The following PSMB7 variants were observed in gnomAD, a reference collection of about 807,000 sequenced individuals.
The protein encoded by PSMB7 is proteasome 20S subunit beta 7, also known as proteasome subunit beta type-7.
A neutral mutation model predicts 28.1 loss-of-function variants in PSMB7; 5 were observed. That is an observed-to-expected ratio of 0.18 (90% confidence interval 0.09 to 0.37). The LOEUF (loss-of-function observed/expected upper bound fraction) is 0.37, where lower values mean the gene tolerates loss of function less well. Among genes scored for constraint, PSMB7 ranks in the 10% least tolerant of loss-of-function variants. The probability of loss-of-function intolerance (pLI) is 1.00; values close to 1 mark genes in which losing one functional copy is unlikely to be tolerated. For synonymous variants in PSMB7, 122 were observed against 123.7 expected, an observed-to-expected ratio of 0.99 and a Z score of 0.09; for missense variants, 275 against 346.2, an observed-to-expected ratio of 0.79 and a Z score of 1.63.
intron 6 of PSMB7, among the ~76,000 whole-genome samples, chr9:124,366,321 T>C (rs1036869463): frequency 6.6e-6 from 1 of 152,262 alleles, no homozygotes; most frequent in East Asian, 1.9e-4. Flanking sequence ...GGAGAATCGC[T>C]TGAACCTGGA....
chr9:124,357,721 A>G (rs949807491), intron 6 of PSMB7, among the ~76,000 whole-genome samples: 4 of 152,240 alleles, frequency 2.6e-5, no homozygotes, highest in African/African-American at 7.2e-5. Flanking sequence ...ATCACATGCT[A>G]TACCAGAAGC....
chr9:124,415,391 C>T lies in PSMB7; in HGVS notation c.35G>A (p.Gly12Glu). 3 of 1,614,172 alleles carry T rather than the reference C, an allele frequency of 1.9e-6. No individual in the cohort carries two copies. The highest frequency in any genetic ancestry group is 2.2e-5 in the South Asian group (2 of 91,086). The change falls in exon 1 of 8, where the codon GGA becomes GAA. Residue 12 changes from glycine to glutamate, a missense_variant. By Grantham distance (98) the Gly-to-Glu change is moderately conservative. This residue lies in a region of PSMB7 where 62 missense variants were observed against 43.9 expected (regional missense o/e 1.41). Coordinates refer to ENST00000259457, the MANE Select transcript of PSMB7 (RefSeq NM_002799.4). ...AAVSVYAPPV[G>E]GFSFDNCRRN... ...GCGGCAGTTATCAAAAGAGAAGCCTCCAACTGGTGGAGCATACACCGACAC... is the reference window on the plus strand; with the variant it reads ...GCGGCAGTTATCAAAAGAGAAGCCTTCAACTGGTGGAGCATACACCGACAC...
chr9:124,414,122 C>T (rs1831060051), intron 2 of PSMB7, 117 bp from the exon 3 acceptor site: 1 of 593,916 alleles, frequency 1.7e-6, no homozygotes, highest in Non-Finnish European at 2.9e-6. Flanking sequence ...TCTCAAAACG[C>T]CAGCCAAAAC....
chr9:124,371,374 A>ACT (rs377294534), intron 6 of PSMB7, among the ~76,000 whole-genome samples: 75 of 152,254 alleles, frequency 4.9e-4, no homozygotes, highest in African/African-American at 1.8e-3. Flanking sequence ...AGCTTGCGAA[A>ACT]CTCTAACCAC....
intron 5 of PSMB7, among the ~76,000 whole-genome samples, chr9:124,397,570 A>C (rs904978451): frequency 1.3e-5 from 2 of 152,026 alleles, no homozygotes; most frequent in Non-Finnish European, 2.9e-5. Context: ...AAATTTAGAC[A>C]CCCTTGTCTT....
chr9:124,386,428 G>C (rs1232014582), intron 5 of PSMB7, among the ~76,000 whole-genome samples: 1 of 152,204 alleles, frequency 6.6e-6, no homozygotes, highest in East Asian at 1.9e-4. Context: ...TCAGGCCCAG[G>C]TGAGAACCAG....
chr9:124,360,227 C>A (rs1173375053), intron 6 of PSMB7, among the ~76,000 whole-genome samples: 1 of 152,202 alleles, frequency 6.6e-6, no homozygotes, highest in Non-Finnish European at 1.5e-5. Flanking sequence ...TCAAGAAAAA[C>A]CACAAACTAA....
At chr9:124,376,324 A>G (rs1487734552) in intron 6 of PSMB7, among the ~76,000 whole-genome samples, 1 of 152,168 alleles carries the variant, frequency 6.6e-6, no homozygotes, top group East Asian at 1.9e-4. Context: ...CTTGTAAATA[A>G]TATTTGAAAA....
chr9:124,384,494 C>T, intron 6 of PSMB7, 104 bp downstream of exon 6: 2 of 1,034,636 alleles, frequency 1.9e-6, no homozygotes, highest in Non-Finnish European at 1.4e-6. Context: ...CAACTAACAA[C>T]AGTGCTGTAC....
At chr9:124,390,107 C>T (rs1205232205) in intron 5 of PSMB7, among the ~76,000 whole-genome samples, 1 of 152,186 alleles carries the variant, frequency 6.6e-6, no homozygotes, top group East Asian at 1.9e-4. Context: ...TTAAGCAACA[C>T]TGATCAAGTT....
chr9:124,380,134 C>T (rs904969044), intron 6 of PSMB7, among the ~76,000 whole-genome samples: 10 of 152,164 alleles, frequency 6.6e-5, no homozygotes, highest in Non-Finnish European at 1.5e-4. Flanking sequence ...GAGTCCACGG[C>T]GAGCCAGTGC....
rs972359319 is a variant in PSMB7 at position 124,356,330 on chromosome 9, T to A, written c.722+434A>T. Reference sequence around the variant, plus strand: ...TGTAGCACAGCACACACACACTAGCTCCCAAGGCCACCTCTGGGAGGCTGT... The same window carrying A: ...TGTAGCACAGCACACACACACTAGCACCCAAGGCCACCTCTGGGAGGCTGT... On this transcript the variant is annotated intron_variant, in intron 7 of 7. Coordinates refer to ENST00000259457, the MANE Select transcript of PSMB7 (RefSeq NM_002799.4). The surrounding 1 kb of genome is among the most constrained non-coding windows in gnomAD (Gnocchi z 4.4). 1.3e-5 allele frequency among the ~76,000 whole-genome samples: 2 copies of A among 151,934 alleles called. No individual in the cohort carries two copies. The highest frequency in any genetic ancestry group is 2.9e-5 in the Non-Finnish European group (2 of 67,974).
Position 124,356,475 on chromosome 9 carries a change from A to G in PSMB7, c.722+289T>C, listed in dbSNP as rs1830408517. 6.6e-6 allele frequency among the ~76,000 whole-genome samples: 1 copy of G among 152,192 alleles called. No homozygotes were observed. The highest frequency in any genetic ancestry group is 2.4e-5 in the African/African-American group (1 of 41,444). On this transcript the variant is annotated intron_variant, in intron 7 of 7. Transcript: ENST00000259457. This position sits in a 1 kb window ranked among gnomAD's most constrained non-coding sequence, Gnocchi z 4.4. ...AGGGGATTCTTTAAGACACTTGAGA[A>G]AGGACAGCAGATGATCCAAACCTCT...
At chr9:124,378,966 T>G (rs1830638576) in intron 6 of PSMB7, among the ~76,000 whole-genome samples, 1 of 152,204 alleles carries the variant, frequency 6.6e-6, no homozygotes, top group Non-Finnish European at 1.5e-5. Flanking sequence ...GACCAGGAGC[T>G]GAATTCTTAT....
At chr9:124,406,788 C>T (rs1274891885) in intron 4 of PSMB7, among the ~76,000 whole-genome samples, 1 of 152,046 alleles carries the variant, frequency 6.6e-6, no homozygotes, top group Non-Finnish European at 1.5e-5. Flanking sequence ...CATATTTGTT[C>T]CTTTGGACCC....
chr9:124,404,955 A>G, intron 5 of PSMB7, among the ~76,000 whole-genome samples: 1 of 152,128 alleles, frequency 6.6e-6, no homozygotes, highest in East Asian at 1.9e-4. Flanking sequence ...GACTATAAAA[A>G]TATATTCATA....
At chr9:124,355,339 T>C (rs1830393381) in intron 7 of PSMB7, among the ~76,000 whole-genome samples, 1 of 152,200 alleles carries the variant, frequency 6.6e-6, no homozygotes, top group Admixed American at 6.5e-5. Flanking sequence ...GCAGCCCATG[T>C]CCCAGGAAGT....
chr9:124,407,050 T>C (rs973897539), intron 4 of PSMB7, among the ~76,000 whole-genome samples: 26 of 152,210 alleles, frequency 1.7e-4, no homozygotes, highest in African/African-American at 6.3e-4. Flanking sequence ...CATAAATTGC[T>C]CTCAATTTAT....
chr9:124,400,846 T>G (rs561123340), intron 5 of PSMB7, among the ~76,000 whole-genome samples: 11 of 152,340 alleles, frequency 7.2e-5, no homozygotes, highest in Admixed American at 1.3e-4. Flanking sequence ...CAAGACACAT[T>G]TGTTACCAAA....
Sources: allele counts gnomAD v4.1 joint callset (sites outside exome capture counted in the v4.1 genomes callset), GRCh38; gene constraint gnomAD v4.1.1; regional missense constraint gnomAD v4.1.1; non-coding constraint Gnocchi (gnomAD v3.1); transcripts MANE v1.5; gene names NCBI Gene and HGNC (gene_info 2026-07-23, HGNC 2026-07-21).